PTGER3: variants seen among roughly 807,000 people sequenced by gnomAD.
The protein encoded by PTGER3 is prostaglandin E receptor 3.
In PTGER3, 22 loss-of-function variants were observed where a neutral mutation model predicts 34.7. That is an observed-to-expected ratio of 0.63 (90% CI 0.45 to 0.91). The LOEUF is 0.91. PTGER3 is among the 40% of genes least tolerant of loss of function. The pLI, the probability that PTGER3 is intolerant of heterozygous loss-of-function variation, is 0.00. For missense variants in PTGER3, 468 were observed against 519.4 expected, an observed-to-expected ratio of 0.90 and a Z score of 0.96; for synonymous variants, 241 against 230.1, an observed-to-expected ratio of 1.05 and a Z score of -0.43.
At chr1:70,990,358 C>T (rs1261019042) in intron 2 of PTGER3, among the ~76,000 whole-genome samples, 1 of 93,514 alleles carries the variant, frequency 1.1e-5, no homozygotes, top group Non-Finnish European at 2.3e-5. Flanking sequence ...CTGTCTCACA[C>T]ACACACACAC....
chr1:70,892,762 A>T (rs1274352448), intron 4 of PTGER3, among the ~76,000 whole-genome samples: 1 of 147,498 alleles, frequency 6.8e-6, no homozygotes, highest in Non-Finnish European at 1.5e-5. Flanking sequence ...AATTGCTTGA[A>T]CCCAGGAGGC....
rs1022380599 is a variant in PTGER3, at chr1:70,965,701, G to A, written c.1078-11912C>T. Among the ~76,000 whole-genome samples the A allele has an allele frequency of 2.0e-5, 3 of 152,120 alleles. No homozygotes were observed. In the South Asian group the frequency reaches 6.2e-4, roughly 32 times the overall value. On this transcript the variant is annotated intron_variant, in intron 2 of 3. Coordinates refer to the PTGER3 transcript ENST00000356595. ...ACAACAAGCAGCAAGTGTTTATGGA[G>A]CACCTCTTAATAAATTATCCTTTGT...
At chr1:71,037,010 G>A (rs1659894280) in intron 1 of PTGER3, among the ~76,000 whole-genome samples, 1 of 151,894 alleles carries the variant, frequency 6.6e-6, no homozygotes, top group African/African-American at 2.4e-5. Context: ...GAGAATTGCA[G>A]CTGAGCATTA....
At chr1:71,021,997 A>G (rs899055689) in intron 1 of PTGER3, among the ~76,000 whole-genome samples, 2 of 151,964 alleles carry the variant, frequency 1.3e-5, no homozygotes, top group African/African-American at 4.9e-5. Context: ...GTTGCACAGT[A>G]TAATCCAAAT....
chr1:70,937,438 G>C (rs1387234403), intron 4 of PTGER3, among the ~76,000 whole-genome samples: 1 of 152,104 alleles, frequency 6.6e-6, no homozygotes, highest in East Asian at 1.9e-4. Flanking sequence ...GTCTGAACAG[G>C]ACAGAGACTT....
chr1:70,961,573 G>C (rs1441683536), intron 2 of PTGER3, among the ~76,000 whole-genome samples: 1 of 152,116 alleles, frequency 6.6e-6, no homozygotes, highest in African/African-American at 2.4e-5. Context: ...GTAATTCTCT[G>C]CTTATCTTTC....
chr1:70,924,145 C>T (rs1335576679), intron 4 of PTGER3, among the ~76,000 whole-genome samples: 1 of 151,920 alleles, frequency 6.6e-6, no homozygotes, highest in African/African-American at 2.4e-5. Context: ...TGTGGATACA[C>T]ATGGTAGGGC....
chr1:70,994,055 G>C (rs777999186), intron 2 of PTGER3, among the ~76,000 whole-genome samples: 1 of 152,170 alleles, frequency 6.6e-6, no homozygotes, highest in African/African-American at 2.4e-5. Flanking sequence ...GCGGCCAAAG[G>C]CTGCTCTGCT....
chr1:71,019,952 C>T (rs1336822079), intron 1 of PTGER3, among the ~76,000 whole-genome samples: 30 of 152,080 alleles, frequency 2.0e-4, no homozygotes, highest in Admixed American at 1.8e-3. Flanking sequence ...TTTTGTTTTC[C>T]GTAATTCTCT....
chr1:70,994,311 C>T (rs1389743378), intron 2 of PTGER3, among the ~76,000 whole-genome samples: 2 of 152,158 alleles, frequency 1.3e-5, no homozygotes, highest in Non-Finnish European at 2.9e-5. Flanking sequence ...GGGACCTTTA[C>T]CGGGATGGAA....
intron 4 of PTGER3, among the ~76,000 whole-genome samples, chr1:70,868,638 C>T (rs182619051): frequency 1.8e-4 from 28 of 151,982 alleles, no homozygotes; most frequent in African/African-American, 6.0e-4. Context: ...CGAAACTCTT[C>T]GTAGGAAGGA....
chr1:71,011,579 T>A (rs1306713715), intron 2 of PTGER3: 1 of 984,570 alleles, frequency 1.0e-6, no homozygotes, highest in African/African-American at 1.7e-5. Flanking sequence ...AACTCCATAT[T>A]TCAAACAAAT....
intron 4 of PTGER3, among the ~76,000 whole-genome samples, chr1:70,931,517 G>C (rs1466970588): frequency 6.6e-6 from 1 of 152,170 alleles, no homozygotes; most frequent in Non-Finnish European, 1.5e-5. Context: ...CTTTCTCCTG[G>C]GCATCCAGGC....
At chr1:71,005,576 T>G (rs1397247721) in intron 2 of PTGER3, among the ~76,000 whole-genome samples, 1 of 152,194 alleles carries the variant, frequency 6.6e-6, no homozygotes, top group African/African-American at 2.4e-5. Context: ...TTTTATTAAT[T>G]CTTGGGTCTT....
At chr1:70,953,695 C>T in intron 3 of PTGER3, 2 of 1,534,274 alleles carry the variant, frequency 1.3e-6, no homozygotes, top group South Asian at 2.5e-5. Flanking sequence ...ACAAACAGTA[C>T]AGTTGGCAGA....
intron 2 of PTGER3, chr1:71,009,763 C>G (rs764663842): frequency 1.7e-5 from 17 of 985,026 alleles, no homozygotes; most frequent in Non-Finnish European, 1.9e-5. Flanking sequence ...CCTGATTAGA[C>G]ATATGTATGG....
chr1:70,979,733 G>C (rs1009720919), intron 2 of PTGER3, among the ~76,000 whole-genome samples: 1 of 152,100 alleles, frequency 6.6e-6, no homozygotes, highest in Non-Finnish European at 1.5e-5. Flanking sequence ...CACTTCGTGA[G>C]ACTCTGATCA....
intron 4 of PTGER3, among the ~76,000 whole-genome samples, chr1:70,902,160 C>T (rs1646854096): frequency 6.6e-6 from 1 of 151,942 alleles, no homozygotes; most frequent in African/African-American, 2.4e-5. Flanking sequence ...TAATTACTGC[C>T]ACCACAATAA....
chr1:70,877,283 T>C (rs1429082542), intron 4 of PTGER3, among the ~76,000 whole-genome samples: 1 of 152,210 alleles, frequency 6.6e-6, no homozygotes, highest in African/African-American at 2.4e-5. Flanking sequence ...GAAATGCTAC[T>C]GATTTCTGTA....
Sources: gnomAD v4.1 joint callset for allele counts (sites outside exome capture counted in the v4.1 genomes callset) on GRCh38, gnomAD v4.1.1 for gene constraint, MANE v1.5 for transcripts, NCBI Gene and HGNC (gene_info 2026-07-23, HGNC 2026-07-21) for gene names.